The following NPAS2 variants were observed in gnomAD, a reference collection of about 807,000 sequenced individuals.
NPAS2 encodes neuronal PAS domain protein 2.
Under a neutral mutation model 107.5 loss-of-function variants are expected in NPAS2, and 23 were observed. The observed-to-expected ratio is 0.21, with a 90% confidence interval of 0.15 to 0.30. The LOEUF is 0.30. NPAS2 is among the 10% of genes least tolerant of loss of function. The pLI is 1.00. For missense variants in NPAS2, 756 were observed against 1,043.3 expected, an observed-to-expected ratio of 0.72 and a Z score of 3.79; for synonymous variants, 403 against 417.5, an observed-to-expected ratio of 0.97 and a Z score of 0.42.
chr2:100,990,947 G>A, intron 19 of NPAS2, 75 bp downstream of exon 19: 2 of 1,254,748 alleles, frequency 1.6e-6, no homozygotes, highest in South Asian at 2.5e-5. Context: ...TCACCCGCCT[G>A]GGCCAGCAGC....
intron 4 of NPAS2, 128 bp downstream of exon 4, chr2:100,933,129 T>C (rs965724766): frequency 1.2e-5 from 8 of 670,480 alleles, no homozygotes; most frequent in African/African-American, 1.1e-4. Context: ...TTGAAACAGA[T>C]ACCTCCCTGA....
chr2:100,902,429 AT>A (rs1681844828), intron 1 of NPAS2, among the ~76,000 whole-genome samples: 1 of 152,218 alleles, frequency 6.6e-6, no homozygotes, highest in Non-Finnish European at 1.5e-5. Context: ...AGCAACATGG[AT>A]GAACCCTGAG....
At chr2:100,916,297 A>G (rs1190608391) in intron 2 of NPAS2, among the ~76,000 whole-genome samples, 1 of 152,200 alleles carries the variant, frequency 6.6e-6, no homozygotes, top group Non-Finnish European at 1.5e-5. Context: ...TAAAAAACAG[A>G]TTTTGTTCCA....
At chr2:100,944,191 C>T (rs1489016423) in intron 5 of NPAS2, among the ~76,000 whole-genome samples, 2 of 152,118 alleles carry the variant, frequency 1.3e-5, no homozygotes, top group Non-Finnish European at 2.9e-5. Flanking sequence ...TCTCTTAAGC[C>T]GTTCTTTTCT....
chr2:100,915,352 T>C (rs1682816338), intron 2 of NPAS2, among the ~76,000 whole-genome samples: 1 of 152,158 alleles, frequency 6.6e-6, no homozygotes. Context: ...TAGAGCCAGC[T>C]TTCTGGCCAA....
Position 100,995,633 on chromosome 2 carries a change from G to A in NPAS2, c.*51G>A, listed in dbSNP as rs534959869. On this transcript the variant is annotated 3_prime_UTR_variant, in exon 21 of 21. Transcript: ENST00000335681. ...AATCAGCTTTAACCAATGGATGAGG[G>A]GGGTGGCCACAGGAGATGGGGAGAG... 3.2e-6 allele frequency: 5 copies of A among 1,575,086 alleles called. No homozygotes were observed. In the Admixed American group the frequency reaches 5.4e-5, roughly 17 times the overall value.
intron 1 of NPAS2, among the ~76,000 whole-genome samples, chr2:100,883,766 T>G (rs892520146): frequency 1.3e-5 from 2 of 152,176 alleles, no homozygotes; most frequent in African/African-American, 2.4e-5. Context: ...TTTCATAGTT[T>G]ACAAAAGTTA....
chr2:100,916,568 G>A (rs145465475), intron 2 of NPAS2, among the ~76,000 whole-genome samples: 50 of 152,222 alleles, frequency 3.3e-4, no homozygotes, highest in African/African-American at 9.6e-4. Context: ...GCTCTAATAT[G>A]TATACACCTA....
At position 100,976,731 on chromosome 2, in the gene NPAS2, C is replaced by T. The variant is rs1470544199; in HGVS notation, c.1393-979C>T. On this transcript the variant is annotated intron_variant, in intron 14 of 20. Coordinates refer to ENST00000335681, the MANE Select transcript of NPAS2 (RefSeq NM_002518.4). The surrounding 1 kb of genome is among the most constrained non-coding windows in gnomAD (Gnocchi z 4.1). Reference sequence around the variant, plus strand: ...GACCACTTACTTTCTCTCCAGCCACCTCCAGATGCGCTTGCAAGCTGTGCC... The same window carrying T: ...GACCACTTACTTTCTCTCCAGCCACTTCCAGATGCGCTTGCAAGCTGTGCC... The T allele has an allele frequency of 1.3e-5, 2 of 152,250 alleles. No individual in the cohort carries two copies. Among genetic ancestry groups the T allele is most frequent in the Non-Finnish European group, 2.9e-5 (2 of 68,110 alleles). 9.4% of individuals were successfully genotyped at this position (152,250 alleles called of 1,614,324 possible).
At chr2:100,953,046 G>A (rs1197338735) in intron 7 of NPAS2, among the ~76,000 whole-genome samples, 2 of 133,696 alleles carry the variant, frequency 1.5e-5, no homozygotes, top group Admixed American at 1.4e-4. Context: ...GATTAAAATA[G>A]CAAAAATTGT....
At chr2:100,959,109 AC>A (rs58366178) in intron 7 of NPAS2, among the ~76,000 whole-genome samples, 500 of 43,696 alleles carry the variant, frequency 0.011, 10 homozygotes, top group African/African-American at 0.043. Flanking sequence ...AAAAAAAAAA[AC>A]AAAACTAAAA....
At chr2:100,901,581 A>G in intron 1 of NPAS2, 1 of 982,970 alleles carries the variant, frequency 1.0e-6, no homozygotes, top group Non-Finnish European at 1.2e-6. Context: ...TGGCTAAAGG[A>G]GATGCAGCAG....
intron 1 of NPAS2, among the ~76,000 whole-genome samples, chr2:100,845,581 C>CTGGG (rs1374408245): frequency 6.6e-6 from 1 of 152,218 alleles, no homozygotes; most frequent in Non-Finnish European, 1.5e-5. Flanking sequence ...TGGATGCCAG[C>CTGGG]TGGGGCCACA....
At chr2:100,960,249 G>C (rs552116181) in intron 7 of NPAS2, among the ~76,000 whole-genome samples, 54 of 152,210 alleles carry the variant, frequency 3.5e-4, no homozygotes, top group Admixed American at 7.8e-4. Context: ...CCTGTGGACT[G>C]TTTTAATAGA....
At chr2:100,859,944 T>C (rs2104521538) in intron 1 of NPAS2, among the ~76,000 whole-genome samples, 1 of 152,326 alleles carries the variant, frequency 6.6e-6, no homozygotes. Flanking sequence ...TGAAGGTAAG[T>C]TGCAGATATG....
intron 1 of NPAS2, among the ~76,000 whole-genome samples, chr2:100,884,065 A>T (rs1204263626): frequency 6.6e-6 from 1 of 151,922 alleles, no homozygotes; most frequent in East Asian, 1.9e-4. Context: ...GCCCTCCAAA[A>T]CCGGGGGCAG....
At chr2:100,905,797 C>T (rs1487273980) in intron 2 of NPAS2, among the ~76,000 whole-genome samples, 2 of 152,192 alleles carry the variant, frequency 1.3e-5, no homozygotes, top group Non-Finnish European at 2.9e-5. Context: ...CCACTGCTTG[C>T]TTGTCACCTG....
intron 1 of NPAS2, among the ~76,000 whole-genome samples, chr2:100,890,904 C>T (rs1681013005): frequency 6.6e-6 from 1 of 151,974 alleles, no homozygotes; most frequent in East Asian, 2.0e-4. Flanking sequence ...CAGGGAGGGC[C>T]AGCAGTGTGC....
chr2:100,972,411 G>T (rs967626332), intron 12 of NPAS2, among the ~76,000 whole-genome samples: 1 of 152,346 alleles, frequency 6.6e-6, no homozygotes, highest in East Asian at 1.9e-4. Flanking sequence ...AACTTCCAGG[G>T]TGCCCAGTGA....
Sources: allele counts gnomAD v4.1 joint callset (sites outside exome capture counted in the v4.1 genomes callset), GRCh38; gene constraint gnomAD v4.1.1; non-coding constraint Gnocchi (gnomAD v3.1); transcripts MANE v1.5; gene names NCBI Gene and HGNC (gene_info 2026-07-23, HGNC 2026-07-21).